CELF4: variants seen among roughly 807,000 people sequenced by gnomAD.
The protein encoded by CELF4 is CUGBP Elav-like family member 4.
Under a neutral mutation model 59.9 loss-of-function variants are expected in CELF4, and 18 were observed. The observed-to-expected ratio is 0.30, with a 90% CI of 0.21 to 0.45. The LOEUF (loss-of-function observed/expected upper bound fraction) is 0.45, where lower values mean the gene tolerates loss of function less well. Among genes scored for constraint, CELF4 ranks in the 20% least tolerant of loss-of-function variants. The pLI, the probability that CELF4 is intolerant of heterozygous loss-of-function variation, is 1.00. For synonymous variants in CELF4, 261 were observed against 267.1 expected (o/e 0.98, Z 0.22); for missense variants, 456 against 689.0 (o/e 0.66, Z 3.79).
At chr18:37,354,004 C>T (rs2154556145) in intron 2 of CELF4, among the ~76,000 whole-genome samples, 1 of 152,256 alleles carries the variant, frequency 6.6e-6, no homozygotes, top group South Asian at 2.1e-4. Context: ...ATCTGCCCGC[C>T]TCGGCCTCCC....
At chr18:37,443,204 C>A (rs1459456229) in intron 2 of CELF4, among the ~76,000 whole-genome samples, 2 of 152,178 alleles carry the variant, frequency 1.3e-5, no homozygotes, top group Non-Finnish European at 2.9e-5. Flanking sequence ...TAGCCTGTCT[C>A]TGTCCCTCCG....
At chr18:37,391,815 ACAGCTAGGATAAGGCTCCGAG>A (rs2099165184) in intron 2 of CELF4, among the ~76,000 whole-genome samples, 1 of 152,244 alleles carries the variant, frequency 6.6e-6, no homozygotes, top group Non-Finnish European at 1.5e-5. Flanking sequence ...CAAGAGAGGC[ACAGCTAGGATAAGGCTCCGAG>A]CAGCTCAGAG....
At chr18:37,320,741 C>T (rs546914678) in intron 3 of CELF4, among the ~76,000 whole-genome samples, 121 of 152,250 alleles carry the variant, frequency 7.9e-4, no homozygotes, top group Middle Eastern at 6.8e-3. Flanking sequence ...GTGTGAGTGC[C>T]GGGGACTAGT....
chr18:37,472,770 A>C (rs946306121), intron 2 of CELF4, among the ~76,000 whole-genome samples: 2 of 152,088 alleles, frequency 1.3e-5, no homozygotes, highest in African/African-American at 4.8e-5. Flanking sequence ...GTCTTCAGAG[A>C]AGGGAGAAAT....
chr18:37,467,444 G>A (rs769008787), intron 2 of CELF4, among the ~76,000 whole-genome samples: 3 of 152,222 alleles, frequency 2.0e-5, no homozygotes, highest in South Asian at 4.1e-4. Context: ...GAAGAAGGGC[G>A]GTGGCTTTAC....
At chr18:37,273,692 A>C in intron 6 of CELF4, 1 of 987,522 alleles carries the variant, frequency 1.0e-6, no homozygotes, top group Non-Finnish European at 1.2e-6. Context: ...AGTACTGCAG[A>C]AGTGAGGTAA....
At chr18:37,555,783 A>G (rs4799455) in intron 1 of CELF4, among the ~76,000 whole-genome samples, 130,092 of 152,182 alleles carry the variant, frequency 0.85, 58,353 homozygotes, top group Non-Finnish European at 0.98. Context: ...TTAGGTATAT[A>G]CTTTTCACTC....
rs151115684 is a variant in CELF4, at chr18:37,295,786, C to G, written c.449-20543G>C. On this transcript the variant is annotated intron_variant, in intron 3 of 12. Transcript: ENST00000420428. ...CATACAGCATCCGAAGGGAGGCACC[C>G]AGGTGAAACCTAGAGTTGATCTTTC... is the stretch of plus-strand genomic sequence containing the variant. 1.5e-3 allele frequency among the ~76,000 whole-genome samples: 233 copies of G among 152,332 alleles called. 1 individual carries two copies. The highest frequency in any genetic ancestry group is 5.4e-3 in the African/African-American group (226 of 41,576).
At chr18:37,480,529 T>C (rs2099863698) in intron 2 of CELF4, among the ~76,000 whole-genome samples, 1 of 152,256 alleles carries the variant, frequency 6.6e-6, no homozygotes, top group Admixed American at 6.5e-5. Flanking sequence ...TATAATTTAT[T>C]CATCTTGTTC....
chr18:37,517,643 G>A (rs191489098), intron 1 of CELF4, among the ~76,000 whole-genome samples: 4 of 152,334 alleles, frequency 2.6e-5, no homozygotes, highest in Non-Finnish European at 2.9e-5. Flanking sequence ...GCTCATCAGC[G>A]TGGCTGTGGC....
At chr18:37,395,555 T>A (rs898968591) in intron 2 of CELF4, among the ~76,000 whole-genome samples, 7 of 152,240 alleles carry the variant, frequency 4.6e-5, no homozygotes, top group Non-Finnish European at 8.8e-5. Flanking sequence ...CTCTCTGGGA[T>A]CCTCTTGTAA....
chr18:37,275,621 C>A, intron 3 of CELF4: 1 of 256,482 alleles, frequency 3.9e-6, no homozygotes. Flanking sequence ...CCTCCTCCTT[C>A]GTCTCACATG....
chr18:37,287,529 C>G (rs750493804), intron 3 of CELF4, among the ~76,000 whole-genome samples: 5 of 152,240 alleles, frequency 3.3e-5, no homozygotes, highest in Non-Finnish European at 7.3e-5. Context: ...TGCAAGCCCC[C>G]TCTTCTTCCT....
chr18:37,537,295 T>C (rs1459746736), intron 1 of CELF4, among the ~76,000 whole-genome samples: 1 of 152,158 alleles, frequency 6.6e-6, no homozygotes, highest in East Asian at 1.9e-4. Context: ...CCAATTCCTT[T>C]GGAGTTTGGG....
At chr18:37,273,445 T>C (rs1601703732) in intron 6 of CELF4, 2 of 1,159,696 alleles carry the variant, frequency 1.7e-6, no homozygotes, top group South Asian at 3.2e-5. Flanking sequence ...CTGTGGGTGC[T>C]AGTCAGCCCT....
chr18:37,350,571 C>A (rs1202321245), intron 2 of CELF4, among the ~76,000 whole-genome samples: 1 of 152,168 alleles, frequency 6.6e-6, no homozygotes, highest in Non-Finnish European at 1.5e-5. Flanking sequence ...AGACCCCTAA[C>A]CTCCCCTTTC....
intron 8 of CELF4, among the ~76,000 whole-genome samples, chr18:37,269,782 C>G (rs1322568140): frequency 6.6e-6 from 1 of 152,216 alleles, no homozygotes; most frequent in Non-Finnish European, 1.5e-5. Flanking sequence ...AGAACACTCA[C>G]TCATGATCAA....
chr18:37,538,297 T>C (rs1339707402), intron 1 of CELF4, among the ~76,000 whole-genome samples: 1 of 152,232 alleles, frequency 6.6e-6, no homozygotes, highest in East Asian at 1.9e-4. Flanking sequence ...TCACTGGCTG[T>C]GTAGCCCTGG....
intron 2 of CELF4, among the ~76,000 whole-genome samples, chr18:37,411,987 C>A (rs2099466530): frequency 6.6e-6 from 1 of 152,240 alleles, no homozygotes; most frequent in Non-Finnish European, 1.5e-5. Context: ...TTCCATGGAG[C>A]AGATCCTGAC....
Sources: gnomAD v4.1 joint callset for allele counts (sites outside exome capture counted in the v4.1 genomes callset) on GRCh38, gnomAD v4.1.1 for gene constraint, MANE v1.5 for transcripts, NCBI Gene and HGNC (gene_info 2026-07-23, HGNC 2026-07-21) for gene names.